The following ATG7 variants were observed in gnomAD, a reference collection of about 807,000 sequenced individuals.
ATG7 encodes the protein autophagy related 7.
A neutral mutation model predicts 82.4 loss-of-function variants in ATG7; 70 were observed. That is an observed-to-expected ratio of 0.85 (90% CI 0.70 to 1.04). The LOEUF (loss-of-function observed/expected upper bound fraction) is 1.04, where lower values mean the gene tolerates loss of function less well. Among genes scored for constraint, ATG7 ranks in the 50% least tolerant of loss-of-function variants. The probability of loss-of-function intolerance (pLI) is 0.00; values close to 1 mark genes in which losing one functional copy is unlikely to be tolerated. For synonymous variants in ATG7, 287 were observed against 313.0 expected (o/e 0.92, Z 0.88); for missense variants, 792 against 864.3 (o/e 0.92, Z 1.05).
At chr3:11,409,623 A>G (rs2080702124) in intron 19 of ATG7, among the ~76,000 whole-genome samples, 1 of 152,212 alleles carries the variant, frequency 6.6e-6, no homozygotes, top group Non-Finnish European at 1.5e-5. Context: ...TTGGTGTTGT[A>G]TCTAAAAAGA....
At chr3:11,542,063 G>A (rs2070874531) in intron 20 of ATG7, among the ~76,000 whole-genome samples, 1 of 152,128 alleles carries the variant, frequency 6.6e-6, no homozygotes, top group South Asian at 2.1e-4. Flanking sequence ...GGCCAGGGAT[G>A]CAGCGGAGAG....
rs551510427 is a variant in ATG7, at chr3:11,513,299, G to A, written c.2080-41512G>A. Among the ~76,000 whole-genome samples the A allele has an allele frequency of 4.1e-4, 62 of 152,352 alleles. 2 individuals carry two copies. The Middle Eastern group carries it at 0.02, about 50-fold the overall frequency. ...GACTGGGCGCCGTGGAGCAGGGGGC[G>A]GTGCTCGTTGGGGAGGCTCGGGCTG... On this transcript the variant is annotated intron_variant, in intron 20 of 20. Transcript: ENST00000693202.
In ATG7 at chr3:11,307,137, G is replaced by C. The variant is rs144696160; in HGVS notation, c.333+77G>C. 1.1e-4 allele frequency: 143 copies of C among 1,344,594 alleles called. 1 individual carries two copies. The African/African-American group carries it at 1.9e-3, about 18-fold the overall frequency. 83.3% of individuals were successfully genotyped at this position (1,344,594 alleles called of 1,614,324 possible). ...GTGCAGTGTTTGTGATCAGGCACAT[G>C]GGTCTGCTGCAGAAACTGGCATATG... On this transcript the variant is annotated intron_variant, in intron 6 of 20. Coordinates refer to ENST00000693202, the MANE Select transcript of ATG7 (RefSeq NM_001349232.2).
intron 20 of ATG7, among the ~76,000 whole-genome samples, chr3:11,465,415 A>T (rs1219860533): frequency 6.7e-6 from 1 of 149,668 alleles, no homozygotes; most frequent in Non-Finnish European, 1.5e-5. Context: ...ACTGCACTCC[A>T]GCCTGGGTGA....
chr3:11,372,849 TGC>T (rs55982929), intron 18 of ATG7, among the ~76,000 whole-genome samples: 69,808 of 120,272 alleles, frequency 0.58, 19,624 homozygotes, highest in East Asian at 0.68. Context: ...TGCGTGCGTG[TGC>T]GTGTGTGTGT....
At chr3:11,408,666 G>A (rs563760833) in intron 19 of ATG7, among the ~76,000 whole-genome samples, 15 of 152,278 alleles carry the variant, frequency 9.9e-5, no homozygotes, top group African/African-American at 3.1e-4. Flanking sequence ...GGATGGCAGC[G>A]GGCAAAGAGA....
At chr3:11,309,394 G>A (rs560336253) in intron 7 of ATG7, among the ~76,000 whole-genome samples, 1 of 151,876 alleles carries the variant, frequency 6.6e-6, no homozygotes, top group African/African-American at 2.4e-5. Context: ...TAAAGGAAAG[G>A]TGCTTCTGGA....
chr3:11,461,434 T>TA (rs1160680252), intron 20 of ATG7, among the ~76,000 whole-genome samples: 1 of 152,188 alleles, frequency 6.6e-6, no homozygotes, highest in Non-Finnish European at 1.5e-5. Flanking sequence ...TTTCTTCCCT[T>TA]AAGAGAAATC....
At chr3:11,513,223 G>A (rs1014627826) in intron 20 of ATG7, among the ~76,000 whole-genome samples, 1 of 152,262 alleles carries the variant, frequency 6.6e-6, no homozygotes, top group Non-Finnish European at 1.5e-5. Context: ...GGAGCTGCCT[G>A]CCAGTCCTGC....
intron 20 of ATG7, among the ~76,000 whole-genome samples, chr3:11,444,104 G>C (rs558087075): frequency 1.4e-4 from 22 of 152,178 alleles, no homozygotes; most frequent in African/African-American, 5.3e-4. Flanking sequence ...TTCGTGTCTT[G>C]TTTTGCCCAA....
At chr3:11,332,539 A>C (rs779602537) in intron 10 of ATG7, among the ~76,000 whole-genome samples, 34 of 152,220 alleles carry the variant, frequency 2.2e-4, no homozygotes, top group Non-Finnish European at 3.8e-4. Context: ...TGGTAAGTCT[A>C]CACAGTGCAA....
chr3:11,342,049 A>G, intron 12 of ATG7, 86 bp from the exon 13 acceptor site: 1 of 1,399,112 alleles, frequency 7.1e-7, no homozygotes, highest in Non-Finnish European at 9.5e-7. Context: ...ATTATTTCTT[A>G]TTTTCTTGCA....
At chr3:11,540,914 G>GA (rs1559817916) in intron 20 of ATG7, among the ~76,000 whole-genome samples, 3 of 131,238 alleles carry the variant, frequency 2.3e-5, no homozygotes, top group Admixed American at 1.5e-4. Context: ...TTTTGGGGGG[G>GA]GGAGGGGGGG....
chr3:11,474,338 C>A (rs1470557783), intron 20 of ATG7, among the ~76,000 whole-genome samples: 1 of 152,240 alleles, frequency 6.6e-6, no homozygotes, highest in African/African-American at 2.4e-5. Flanking sequence ...GTGTTTCACA[C>A]CTGTAATCCC....
intron 20 of ATG7, among the ~76,000 whole-genome samples, chr3:11,535,802 G>T (rs1217637019): frequency 6.6e-6 from 1 of 152,208 alleles, no homozygotes; most frequent in Non-Finnish European, 1.5e-5. Flanking sequence ...GGGCATTTCA[G>T]AACTCCCGTG....
intron 20 of ATG7, among the ~76,000 whole-genome samples, chr3:11,429,324 C>T (rs1006066980): frequency 4.0e-5 from 6 of 151,810 alleles, no homozygotes; most frequent in South Asian, 4.2e-4. Flanking sequence ...GGTGAAACCC[C>T]GTCTCTACTA....
At chr3:11,363,633 G>A (rs989534177) in intron 17 of ATG7, among the ~76,000 whole-genome samples, 1 of 152,212 alleles carries the variant, frequency 6.6e-6, no homozygotes, top group Non-Finnish European at 1.5e-5. Context: ...AAGGCATAGT[G>A]AGGATAAGTA....
intron 20 of ATG7, among the ~76,000 whole-genome samples, chr3:11,451,878 C>T (rs903513535): frequency 1.4e-5 from 2 of 139,824 alleles, no homozygotes; most frequent in Admixed American, 1.5e-4. Context: ...CATACACACA[C>T]ACACACAGAC....
intron 19 of ATG7, among the ~76,000 whole-genome samples, chr3:11,400,549 A>G (rs2152894027): frequency 6.6e-6 from 1 of 152,200 alleles, no homozygotes; most frequent in South Asian, 2.1e-4. Context: ...CGAAGAGTAG[A>G]TAGAAATGTG....
Sources: allele counts gnomAD v4.1 joint callset (sites outside exome capture counted in the v4.1 genomes callset), GRCh38; gene constraint gnomAD v4.1.1; transcripts MANE v1.5; gene names NCBI Gene and HGNC (gene_info 2026-07-23, HGNC 2026-07-21).